Variants in CCT3 observed in about 807,000 individuals in gnomAD.
The protein encoded by CCT3 is T-complex protein 1 subunit gamma.
In CCT3, 10 loss-of-function variants were observed where a neutral mutation model predicts 65.3. The ratio of observed to expected loss-of-function variants is 0.15; its 90% CI spans 0.09 to 0.26. The LOEUF (loss-of-function observed/expected upper bound fraction) is 0.26, where lower values mean the gene tolerates loss of function less well. Ranked by LOEUF, CCT3 falls within the 10% of genes least tolerant of loss-of-function variation. The pLI is 1.00. For synonymous variants in CCT3, 225 were observed against 242.3 expected (o/e 0.93, Z 0.66); for missense variants, 626 against 708.7 (o/e 0.88, Z 1.33).
At chr1:156,335,639 C>T (rs1665304827) in intron 2 of CCT3, 188 bp downstream of exon 2, 2 of 560,152 alleles carry the variant, frequency 3.6e-6, no homozygotes, top group Non-Finnish European at 6.4e-6. Flanking sequence ...GATTATCAGT[C>T]CTAACTCAGA....
intron 5 of CCT3, among the ~76,000 whole-genome samples, chr1:156,329,826 C>G (rs1665032425): frequency 6.6e-6 from 1 of 151,662 alleles, no homozygotes; most frequent in Non-Finnish European, 1.5e-5. Context: ...GTAACCCCAG[C>G]TACTTGGGAG....
rs1196632375 is a variant in CCT3 at position 156,317,154 on chromosome 1, T to C, written c.974+12A>G. On this transcript the variant is annotated intron_variant, in intron 10 of 13. Coordinates refer to ENST00000295688, the MANE Select transcript of CCT3 (RefSeq NM_005998.5). ...CGGGAAGAAAAGTCTTGTTTTTACCTGGCCTACTCACCTAGCAATGCGATT... is the reference window on the plus strand; with the variant it reads ...CGGGAAGAAAAGTCTTGTTTTTACCCGGCCTACTCACCTAGCAATGCGATT... 6 of 1,610,778 alleles carry C rather than the reference T, an allele frequency of 3.7e-6. No homozygotes were observed. The highest frequency in any genetic ancestry group is 1.3e-5 in the African/African-American group (1 of 74,906).
At chr1:156,312,594 G>A (rs576297313) in intron 10 of CCT3, among the ~76,000 whole-genome samples, 4 of 151,926 alleles carry the variant, frequency 2.6e-5, no homozygotes, top group African/African-American at 9.7e-5. Flanking sequence ...TGATATCAAG[G>A]ATGCAGTGAG....
At position 156,320,967 on chromosome 1, in the gene CCT3, T is replaced by C. The variant is rs1558267892; in HGVS notation, c.481A>G (p.Thr161Ala). The C allele has an allele frequency of 6.2e-7, 1 of 1,614,134 alleles. No individual in the cohort carries two copies. Among genetic ancestry groups the C allele is most frequent in the Non-Finnish European group, 8.5e-7 (1 of 1,179,978 alleles). Reference sequence around the variant, plus strand: ...GACCACCGACTGATGGCTTTGGTAGTAATAGAGCTGTTGATGATGTTCAGC... The same window carrying C: ...GACCACCGACTGATGGCTTTGGTAGCAATAGAGCTGTTGATGATGTTCAGC... ...MMLNIINSSI[T>A]TKAISRWSSL... Residue 161 changes from threonine to alanine, a missense_variant, in exon 7 of 14, where the codon ACT becomes GCT. Thr to Ala is a moderately conservative substitution (Grantham distance 58). Coordinates refer to ENST00000295688, the MANE Select transcript of CCT3 (RefSeq NM_005998.5).
At position 156,310,859 on chromosome 1, in the gene CCT3, G is replaced by C. The variant is rs537821755; in HGVS notation, c.1401+91C>G. ...AAGATTTCAAGGAATAGACTATAAAGAGAATTTGGATAGCCAGATAAGAAT... is the reference window on the plus strand; with the variant it reads ...AAGATTTCAAGGAATAGACTATAAACAGAATTTGGATAGCCAGATAAGAAT... On this transcript the variant is annotated intron_variant, in intron 12 of 13. Coordinates refer to ENST00000295688, the MANE Select transcript of CCT3 (RefSeq NM_005998.5). The C allele has an allele frequency of 5.3e-6, 8 of 1,508,258 alleles. No homozygotes were observed. The South Asian group carries it at 8.8e-5, about 17-fold the overall frequency. 93.4% of individuals were successfully genotyped at this position (1,508,258 alleles called of 1,614,324 possible). A position where few individuals can be genotyped will look rare whatever the true frequency, so the allele number is the denominator to read the frequency against.
intron 5 of CCT3, among the ~76,000 whole-genome samples, chr1:156,331,077 T>C (rs1289812308): frequency 6.6e-6 from 1 of 151,324 alleles, no homozygotes; most frequent in Non-Finnish European, 1.5e-5. Context: ...ATTAAAAATA[T>C]AAAAATTAGC....
intron 7 of CCT3, among the ~76,000 whole-genome samples, chr1:156,319,351 C>T (rs1010533012): frequency 2.6e-5 from 4 of 151,856 alleles, no homozygotes; most frequent in Non-Finnish European, 5.9e-5. Context: ...CTCCTGACCT[C>T]GTGATCCGCC....
intron 10 of CCT3, among the ~76,000 whole-genome samples, chr1:156,316,714 G>A (rs1037771125): frequency 6.6e-6 from 1 of 152,206 alleles, no homozygotes; most frequent in Non-Finnish European, 1.5e-5. Flanking sequence ...AATGGTCTAT[G>A]AGCACAGACA....
intron 10 of CCT3, among the ~76,000 whole-genome samples, chr1:156,316,543 T>A (rs766485630): frequency 8.5e-5 from 13 of 152,252 alleles, no homozygotes; most frequent in Non-Finnish European, 1.8e-4. Context: ...GGGGTAGATT[T>A]GTCAGCTTTT....
Position 156,324,975 on chromosome 1 carries a change from A to G in CCT3, c.419T>C (p.Ile140Thr), listed in dbSNP as rs748075589. ...LDDMISTLKK[I>T]SIPVDISDSD... is the part of the protein sequence containing the mutation. ...CTATTTCTTGCCCCCAAGATACCTT[A>G]TTTTCTTTAGGGTGCTGATCATATC... Residue 140 changes from isoleucine (I) to threonine (T), a missense_variant, in exon 6 of 14, where the codon ATA becomes ACA. Transcript: ENST00000295688. 1 of 1,602,292 alleles carries G rather than the reference A, an allele frequency of 6.2e-7. No homozygotes were observed. The highest frequency in any genetic ancestry group is 8.5e-7 in the Non-Finnish European group (1 of 1,169,882).
In CCT3 at chr1:156,324,835, G is replaced by A. The variant is rs561417509; in HGVS notation, c.422+137C>T. ...GTACAGACGAGGTTTCACCATGTTG[G>A]CCAGGATGGTTTCCATCTCCTGACC... On this transcript the variant is annotated intron_variant, in intron 6 of 13. Coordinates refer to ENST00000295688, the MANE Select transcript of CCT3 (RefSeq NM_005998.5). 3.6e-3 allele frequency: 2,189 copies of A among 615,204 alleles called. 11 individuals carry two copies. The highest frequency in any genetic ancestry group is 4.1e-3 in the Non-Finnish European group (1,396 of 337,474). The allele number at this position is 615,204 out of a possible 1,614,324, so 38.1% of individuals were successfully genotyped here.
chr1:156,318,467 C>T (rs1664405822), intron 8 of CCT3, among the ~76,000 whole-genome samples: 4 of 152,108 alleles, frequency 2.6e-5, no homozygotes, highest in Admixed American at 6.6e-5. Flanking sequence ...CATCCACCTG[C>T]CTTAGCCTCC....
intron 5 of CCT3, among the ~76,000 whole-genome samples, chr1:156,325,962 T>C (rs1480788123): frequency 6.6e-6 from 1 of 152,166 alleles, no homozygotes; most frequent in East Asian, 1.9e-4. Context: ...ACTGACTTGT[T>C]TATTAGTACC....
intron 4 of CCT3, 76 bp from the exon 5 acceptor site, chr1:156,333,719 G>T: frequency 9.2e-7 from 1 of 1,088,570 alleles, no homozygotes; most frequent in Non-Finnish European, 1.4e-6. Context: ...CTAACTCTTG[G>T]GCTTCTTGCT....
chr1:156,337,151 T>C, intron 1 of CCT3: 5 of 1,181,768 alleles, frequency 4.2e-6, no homozygotes, highest in Non-Finnish European at 5.6e-6. Flanking sequence ...ACGCCTGTAA[T>C]CTCAGCACTT....
chr1:156,325,529 A>C (rs1001475701), intron 5 of CCT3, among the ~76,000 whole-genome samples: 1 of 152,132 alleles, frequency 6.6e-6, no homozygotes, highest in African/African-American at 2.4e-5. Flanking sequence ...CCCTATCTCA[A>C]AAAATAAAAT....
At chr1:156,313,685 A>C (rs1433402687) in intron 10 of CCT3, among the ~76,000 whole-genome samples, 1 of 152,206 alleles carries the variant, frequency 6.6e-6, no homozygotes, top group Non-Finnish European at 1.5e-5. Context: ...ATATTGGACA[A>C]TGCCCCTGGC....
chr1:156,332,462 C>T (rs1182327220), intron 5 of CCT3, among the ~76,000 whole-genome samples: 2 of 152,140 alleles, frequency 1.3e-5, no homozygotes, highest in African/African-American at 2.4e-5. Context: ...ACTTACATAG[C>T]CCAGGGTCAT....
At chr1:156,332,471 A>C (rs1665144199) in intron 5 of CCT3, among the ~76,000 whole-genome samples, 1 of 152,218 alleles carries the variant, frequency 6.6e-6, no homozygotes, top group African/African-American at 2.4e-5. Flanking sequence ...GCCCAGGGTC[A>C]TTATCCTAAA....
Sources: gnomAD v4.1 joint callset for allele counts (sites outside exome capture counted in the v4.1 genomes callset) on GRCh38, gnomAD v4.1.1 for gene constraint, MANE v1.5 for transcripts, NCBI Gene and HGNC (gene_info 2026-07-23, HGNC 2026-07-21) for gene names.